The following NCAN variants were observed in gnomAD, a reference collection of about 807,000 sequenced individuals.
NCAN encodes neurocan core protein.
A neutral mutation model predicts 121.8 loss-of-function variants in NCAN; 47 were observed. The ratio of observed to expected loss-of-function variants is 0.39; its 90% CI spans 0.31 to 0.49. NCAN has a LOEUF of 0.49. Ranked by LOEUF, NCAN falls within the 20% of genes least tolerant of loss-of-function variation. The probability of loss-of-function intolerance (pLI) is 0.92; values close to 1 mark genes in which losing one functional copy is unlikely to be tolerated. For synonymous variants in NCAN, 633 were observed against 702.0 expected, an observed-to-expected ratio of 0.90 and a Z score of 1.55; for missense variants, 1,517 against 1,773.4, an observed-to-expected ratio of 0.86 and a Z score of 2.60.
At chr19:19,224,500 T>C (rs538043926) in intron 5 of NCAN, 67 bp downstream of exon 5, 1 of 1,559,522 alleles carries the variant, frequency 6.4e-7, no homozygotes, top group South Asian at 1.2e-5. Flanking sequence ...TCTCCCCAAC[T>C]CCCATCCTCC....
In NCAN at chr19:19,226,832, T is replaced by G. The variant is rs1249057926; in HGVS notation, c.1419T>G (p.Thr473=). 1 of 1,613,220 alleles carries G rather than the reference T, an allele frequency of 6.2e-7. No individual in the cohort carries two copies. Among genetic ancestry groups the G allele is most frequent in the Non-Finnish European group, 8.5e-7 (1 of 1,179,938 alleles). Residue 473 remains threonine (T), a synonymous_variant, in exon 7 of 15, where the codon ACT becomes ACG. Transcript: ENST00000252575. ...AASSHTEVAP[T]DPMPRRRGRF... is the part of the protein sequence containing the mutation. ...GTTCACACACGGAGGTGGCCCCAAC[T>G]GACCCTATGCCTAGGAGAAGGGGGC...
intron 3 of NCAN, among the ~76,000 whole-genome samples, chr19:19,222,698 T>C (rs946907978): frequency 6.6e-6 from 1 of 152,246 alleles, no homozygotes; most frequent in South Asian, 2.1e-4. Flanking sequence ...CAGCCATTTC[T>C]TTCATCCCTA....
At chr19:19,231,415 G>A (rs779620674) in intron 8 of NCAN, among the ~76,000 whole-genome samples, 8 of 149,988 alleles carry the variant, frequency 5.3e-5, no homozygotes, top group Non-Finnish European at 1.2e-4. Flanking sequence ...TGCAACCTCC[G>A]CCTCCCAGGT....
At chr19:19,247,064 C>G (rs1384444230) in intron 13 of NCAN, among the ~76,000 whole-genome samples, 1 of 151,932 alleles carries the variant, frequency 6.6e-6, no homozygotes, top group African/African-American at 2.4e-5. Flanking sequence ...TTCACATCCT[C>G]CCCCCCATTT....
intron 10 of NCAN, among the ~76,000 whole-genome samples, chr19:19,237,042 T>C (rs1599819272): frequency 6.6e-6 from 1 of 152,016 alleles, no homozygotes; most frequent in African/African-American, 2.4e-5. Flanking sequence ...ATCTCCCCAG[T>C]ATCTGGGACT....
intron 10 of NCAN, among the ~76,000 whole-genome samples, chr19:19,237,454 A>C (rs1193650975): frequency 6.7e-6 from 1 of 149,596 alleles, no homozygotes; most frequent in East Asian, 2.0e-4. Context: ...GCACCATTAC[A>C]CTCCAGCCTG....
intron 12 of NCAN, among the ~76,000 whole-genome samples, chr19:19,241,728 G>A (rs1476059352): frequency 1.3e-5 from 2 of 151,740 alleles, no homozygotes; most frequent in East Asian, 1.9e-4. Flanking sequence ...ATGACCCAGC[G>A]ATTCTACTAC....
intron 13 of NCAN, 50 bp downstream of exon 13, chr19:19,245,507 G>C (rs769948449): frequency 8.2e-6 from 13 of 1,590,060 alleles, no homozygotes; most frequent in Non-Finnish European, 1.1e-5. Context: ...TTGCTCACTG[G>C]TTCTCTGTTG....
chr19:19,248,567 G>A, intron 13 of NCAN, 133 bp from the exon 14 acceptor site: 2 of 803,502 alleles, frequency 2.5e-6, no homozygotes, highest in South Asian at 2.1e-5. Context: ...GGAGGTTGCA[G>A]TGAGGCAAGA....
In NCAN at chr19:19,225,508, G is replaced by A. The variant is rs1164639842; in HGVS notation, c.1072+238G>A. Among the ~76,000 whole-genome samples, 1 of 152,240 alleles carries A rather than the reference G, an allele frequency of 6.6e-6. No individual in the cohort carries two copies. The highest frequency in any genetic ancestry group is 1.5e-5 in the Non-Finnish European group (1 of 68,040). ...CCAGAGGAGGCCACTCTGGTGGGGAGTCACCTTTGCTGGGTGGGCTGTATC... is the reference window on the plus strand; with the variant it reads ...CCAGAGGAGGCCACTCTGGTGGGGAATCACCTTTGCTGGGTGGGCTGTATC... On this transcript the variant is annotated intron_variant, in intron 6 of 14. Coordinates refer to ENST00000252575, the MANE Select transcript of NCAN (RefSeq NM_004386.3). The surrounding 1 kb of genome is among the most constrained non-coding windows in gnomAD (Gnocchi z 4.0).
chr19:19,248,662 T>C lies in NCAN; in HGVS notation c.3638-38T>C, dbSNP rs111848162. 1.4e-3 allele frequency: 2,285 copies of C among 1,586,974 alleles called. 27 individuals carry two copies. In the African/African-American group the frequency reaches 0.025, roughly 17 times the overall value. ...CAACAACAACTAGTTTAGCCCCAGA[T>C]GTGAGCACCTCTCTCACTAGAGATT... On this transcript the variant is annotated intron_variant, in intron 13 of 14. Coordinates refer to ENST00000252575, the MANE Select transcript of NCAN (RefSeq NM_004386.3).
chr19:19,230,388 AC>A (rs1379274960), intron 8 of NCAN, among the ~76,000 whole-genome samples: 1 of 112,776 alleles, frequency 8.9e-6, no homozygotes, highest in Non-Finnish European at 1.8e-5. Flanking sequence ...TAACTACCGC[AC>A]CCCCCACCCC....
chr19:19,230,176 CT>C (rs1465694521), intron 8 of NCAN, among the ~76,000 whole-genome samples: 4 of 151,822 alleles, frequency 2.6e-5, no homozygotes, highest in African/African-American at 9.7e-5. Context: ...TTCTGAGTAG[CT>C]GGGATTACAG....
At chr19:19,239,259 G>T (rs1346483689) in intron 11 of NCAN, among the ~76,000 whole-genome samples, 2 of 151,940 alleles carry the variant, frequency 1.3e-5, no homozygotes. Context: ...CCCTAAAAGA[G>T]GGTAGCCAGA....
rs137888895 is a variant in NCAN at position 19,232,209 on chromosome 19, C to T, written c.3020-1580C>T. 2.0e-5 allele frequency among the ~76,000 whole-genome samples: 3 copies of T among 152,256 alleles called. No individual in the cohort carries two copies. In the East Asian group the frequency reaches 5.8e-4, roughly 29 times the overall value. On this transcript the variant is annotated intron_variant, in intron 8 of 14. Transcript: ENST00000252575. ...CTTGGACTTTTCTGGATCCTGGGCTCCACAATGAAGCCAACCACAGCAGGA... is the reference window on the plus strand; with the variant it reads ...CTTGGACTTTTCTGGATCCTGGGCTTCACAATGAAGCCAACCACAGCAGGA...
rs1390714641 is a variant in NCAN at position 19,250,085 on chromosome 19, C to T, written c.*174C>T. The T allele has an allele frequency of 2.6e-6, 2 of 782,398 alleles. No individual in the cohort carries two copies. Among genetic ancestry groups the T allele is most frequent in the East Asian group, 2.7e-5 (1 of 37,300 alleles). 48.5% of individuals were successfully genotyped at this position (782,398 alleles called of 1,614,324 possible). On this transcript the variant is annotated 3_prime_UTR_variant, in exon 15 of 15. Transcript: ENST00000252575. ...CTCCTCTTTTCCCTTTTTTTACATACACAAGATCCTCTTGGCAGGTGGAGC... is the reference window on the plus strand; with the variant it reads ...CTCCTCTTTTCCCTTTTTTTACATATACAAGATCCTCTTGGCAGGTGGAGC...
intron 1 of NCAN, among the ~76,000 whole-genome samples, chr19:19,214,283 C>G (rs375605941): frequency 6.6e-6 from 1 of 152,188 alleles, no homozygotes; most frequent in East Asian, 1.9e-4. Flanking sequence ...CAGCACCCCG[C>G]AGGCCCCTGC....
At chr19:19,243,082 A>ATT (rs372731362) in intron 12 of NCAN, among the ~76,000 whole-genome samples, 135 of 149,132 alleles carry the variant, frequency 9.1e-4, no homozygotes, top group African/African-American at 3.2e-3. Context: ...CTGTTGTATG[A>ATT]TTTTTTTTTT....
chr19:19,236,863 G>T (rs2060882985), intron 10 of NCAN, among the ~76,000 whole-genome samples: 1 of 151,824 alleles, frequency 6.6e-6, no homozygotes, highest in African/African-American at 2.4e-5. Context: ...CCAGTAGCTG[G>T]AACTACAGGT....
Sources: allele counts gnomAD v4.1 joint callset (sites outside exome capture counted in the v4.1 genomes callset), GRCh38; gene constraint gnomAD v4.1.1; non-coding constraint Gnocchi (gnomAD v3.1); transcripts MANE v1.5; gene names NCBI Gene and HGNC (gene_info 2026-07-23, HGNC 2026-07-21).